The following SLC44A3 variants were observed in gnomAD, a reference collection of about 807,000 sequenced individuals.
SLC44A3 encodes choline transporter-like protein 3.
Under a neutral mutation model 75.4 loss-of-function variants are expected in SLC44A3, and 74 were observed. The observed-to-expected ratio is 0.98, with a 90% CI of 0.81 to 1.19. The LOEUF (loss-of-function observed/expected upper bound fraction) is 1.19, where lower values mean the gene tolerates loss of function less well. Among genes scored for constraint, SLC44A3 ranks in the 50% most tolerant of loss-of-function variants. The probability of loss-of-function intolerance (pLI) is 0.00; values close to 1 mark genes in which losing one functional copy is unlikely to be tolerated. For synonymous variants in SLC44A3, 310 were observed against 296.9 expected, an observed-to-expected ratio of 1.04 and a Z score of -0.45; for missense variants, 700 against 778.6, an observed-to-expected ratio of 0.90 and a Z score of 1.20.
intron 10 of SLC44A3, among the ~76,000 whole-genome samples, chr1:94,859,032 C>T (rs1331251418): frequency 6.6e-6 from 1 of 152,044 alleles, no homozygotes; most frequent in Admixed American, 6.6e-5. Context: ...TCCGGAGCCT[C>T]CATCATTAGA....
chr1:94,827,445 C>T, intron 3 of SLC44A3, 62 bp from the exon 4 acceptor site: 1 of 1,596,204 alleles, frequency 6.3e-7, no homozygotes, highest in Non-Finnish European at 8.6e-7. Context: ...TTTTAAGGCC[C>T]ACAATTAAGA....
chr1:94,841,517 G>C (rs1407659980), intron 7 of SLC44A3, among the ~76,000 whole-genome samples: 1 of 152,156 alleles, frequency 6.6e-6, no homozygotes, highest in African/African-American at 2.4e-5. Flanking sequence ...CAATGTCAGG[G>C]CATCTTCCAA....
intron 11 of SLC44A3, among the ~76,000 whole-genome samples, chr1:94,866,870 C>T (rs868690172): frequency 6.6e-6 from 1 of 152,094 alleles, no homozygotes; most frequent in Non-Finnish European, 1.5e-5. Flanking sequence ...GATTTATTTC[C>T]TCCAGAGTTA....
intron 1 of SLC44A3, 113 bp from the exon 2 acceptor site, chr1:94,820,836 A>C (rs1660464616): frequency 1.1e-5 from 14 of 1,319,516 alleles, no homozygotes; most frequent in Non-Finnish European, 1.2e-5. Flanking sequence ...TAATTTTAAA[A>C]ATTTAGAAAA....
Position 94,825,834 on chromosome 1 carries a change from G to A in SLC44A3, c.278+1199G>A, listed in dbSNP as rs1434102277. On this transcript the variant is annotated intron_variant, in intron 3 of 14. Transcript: ENST00000271227. ...GAGCATTTTCTCCTGCACTCATAGA[G>A]CCACTTACAAAGAAGACAGGAGGAG... 14 of 456,074 alleles carry A rather than the reference G, an allele frequency of 3.1e-5. No homozygotes were observed. The East Asian group carries it at 8.3e-4, about 27-fold the overall frequency. 28.3% of individuals were successfully genotyped at this position (456,074 alleles called of 1,614,324 possible). A position where few individuals can be genotyped will look rare whatever the true frequency, so the allele number is the denominator to read the frequency against.
At chr1:94,883,722 A>T (rs774864415) in intron 12 of SLC44A3, among the ~76,000 whole-genome samples, 8 of 152,216 alleles carry the variant, frequency 5.3e-5, no homozygotes, top group African/African-American at 9.6e-5. Context: ...CTAATGTTTC[A>T]GAAGACTTTT....
chr1:94,846,211 T>A (rs1162216535), intron 9 of SLC44A3, among the ~76,000 whole-genome samples: 7 of 151,806 alleles, frequency 4.6e-5, no homozygotes, highest in African/African-American at 1.5e-4. Flanking sequence ...AACTCATAGT[T>A]CACATGCCTT....
chr1:94,872,466 C>T (rs1489904164), intron 12 of SLC44A3, among the ~76,000 whole-genome samples: 1 of 151,420 alleles, frequency 6.6e-6, no homozygotes. Context: ...CTTTGTTCTT[C>T]TTCCAGCAGA....
chr1:94,886,720 TC>T (rs1205363800), intron 12 of SLC44A3, among the ~76,000 whole-genome samples: 1 of 152,144 alleles, frequency 6.6e-6, no homozygotes, highest in Non-Finnish European at 1.5e-5. Flanking sequence ...CTCATTGTGT[TC>T]TTCCCCCAGT....
chr1:94,838,599 C>G (rs968099762), intron 6 of SLC44A3, among the ~76,000 whole-genome samples: 5 of 152,224 alleles, frequency 3.3e-5, no homozygotes, highest in African/African-American at 1.2e-4. Context: ...ACTCTTTGGT[C>G]AGACATTAAC....
intron 9 of SLC44A3, 63 bp downstream of exon 9, chr1:94,845,527 C>T: frequency 1.4e-6 from 2 of 1,480,884 alleles, no homozygotes; most frequent in East Asian, 2.3e-5. Flanking sequence ...CATTTTGGAA[C>T]CACTGGCCTG....
rs1225573172 is a variant in SLC44A3 at position 94,892,154 on chromosome 1, G to C, written c.1621-127G>C. 5.8e-6 allele frequency: 5 copies of C among 865,264 alleles called. No homozygotes were observed. The Admixed American group carries it at 1.0e-4, about 18-fold the overall frequency. 53.6% of individuals were successfully genotyped at this position (865,264 alleles called of 1,614,324 possible). On this transcript the variant is annotated intron_variant, in intron 13 of 14. Transcript: ENST00000271227. ...TTCATTCTGCCAAAATTTCTGACAAGCATTCTTTACAATAGTGCACACACA... is the reference window on the plus strand; with the variant it reads ...TTCATTCTGCCAAAATTTCTGACAACCATTCTTTACAATAGTGCACACACA...
chr1:94,844,804 C>A (rs1324296695), intron 8 of SLC44A3, among the ~76,000 whole-genome samples: 1 of 152,006 alleles, frequency 6.6e-6, no homozygotes, highest in Non-Finnish European at 1.5e-5. Context: ...TGGAGGGGTG[C>A]AGAATGGTTT....
rs1051819526 is a variant in SLC44A3, at chr1:94,891,660, C to T, written c.1620+393C>T. ...AACCTGGACTGGGCACAGTGGCTCACATGTGTAATCCCAGTATTTTGGGAT... is the reference window on the plus strand; with the variant it reads ...AACCTGGACTGGGCACAGTGGCTCATATGTGTAATCCCAGTATTTTGGGAT... On this transcript the variant is annotated intron_variant, in intron 13 of 14. Transcript: ENST00000271227. Among the ~76,000 whole-genome samples, 25 of 152,136 alleles carry T rather than the reference C, an allele frequency of 1.6e-4. 3 individuals are homozygous for T. The highest frequency in any genetic ancestry group is 1.5e-5 in the Non-Finnish European group (1 of 68,030).
At chr1:94,858,730 C>T (rs930824612) in intron 10 of SLC44A3, among the ~76,000 whole-genome samples, 2 of 152,092 alleles carry the variant, frequency 1.3e-5, no homozygotes, top group African/African-American at 2.4e-5. Context: ...CTTGCTCTGT[C>T]GCCCAGGCTG....
In SLC44A3 at chr1:94,857,324, T is replaced by G; in HGVS notation, c.1073-11T>G. 6.3e-7 allele frequency: 1 copy of G among 1,589,144 alleles called. No individual in the cohort carries two copies. The highest frequency in any genetic ancestry group is 1.2e-5 in the South Asian group (1 of 86,516). On this transcript the variant is annotated splice_polypyrimidine_tract_variant and intron_variant, in intron 9 of 14. Coordinates refer to ENST00000271227, the MANE Select transcript of SLC44A3 (RefSeq NM_001114106.3). The stretch of plus-strand genomic sequence containing the variant: ...CATTGGTGTAAAGCATGTTTGTGTT[T>G]GAAACTTTAGGAGCTGCCCAGGTTA...
chr1:94,888,272 A>G (rs1303080962), intron 12 of SLC44A3, among the ~76,000 whole-genome samples: 1 of 152,256 alleles, frequency 6.6e-6, no homozygotes, highest in South Asian at 2.1e-4. Context: ...TGTAATGTCC[A>G]GAAGGTTAGA....
At chr1:94,887,432 TA>T (rs1669705737) in intron 12 of SLC44A3, among the ~76,000 whole-genome samples, 1 of 152,192 alleles carries the variant, frequency 6.6e-6, no homozygotes, top group Non-Finnish European at 1.5e-5. Flanking sequence ...CAGGAAGGCA[TA>T]TATAATTTCT....
At chr1:94,840,283 C>CTTTTTTTTTTTTTTTTTTTTTTTTTTTT (rs56383271) in intron 7 of SLC44A3, among the ~76,000 whole-genome samples, 12 of 77,360 alleles carry the variant, frequency 1.6e-4, no homozygotes, top group Non-Finnish European at 2.3e-4. Context: ...TTTCTTTTTC[C>CTTTTTTTTTTTTTTTTTTTTTTTTTTTT]TTTTTTTTTT....
Sources: gnomAD v4.1 joint callset for allele counts (sites outside exome capture counted in the v4.1 genomes callset) on GRCh38, gnomAD v4.1.1 for gene constraint, MANE v1.5 for transcripts, NCBI Gene and HGNC (gene_info 2026-07-23, HGNC 2026-07-21) for gene names.